EBF1: variants seen among roughly 807,000 people sequenced by gnomAD.
EBF1 encodes the protein transcription factor COE1.
In EBF1, 10 loss-of-function variants were observed where a neutral mutation model predicts 68.4. That is an observed-to-expected ratio of 0.15 (90% CI 0.09 to 0.25). The LOEUF is 0.25. EBF1 is among the 10% of genes least tolerant of loss of function. The pLI is 1.00. For synonymous variants in EBF1, 298 were observed against 299.8 expected, an observed-to-expected ratio of 0.99 and a Z score of 0.06; for missense variants, 509 against 794.4, an observed-to-expected ratio of 0.64 and a Z score of 4.32.
At chr5:159,083,187 A>C (rs1416164561) in intron 5 of EBF1, among the ~76,000 whole-genome samples, 2 of 152,210 alleles carry the variant, frequency 1.3e-5, no homozygotes, top group Admixed American at 6.5e-5. Flanking sequence ...CATTCTAATG[A>C]CATGCTAATT....
At chr5:158,863,216 C>T (rs1795268255) in intron 6 of EBF1, among the ~76,000 whole-genome samples, 1 of 152,160 alleles carries the variant, frequency 6.6e-6, no homozygotes, top group Non-Finnish European at 1.5e-5. Flanking sequence ...TAAGTCCTCA[C>T]CCCTGCCCAT....
At chr5:158,708,684 G>C (rs2127476709) in intron 14 of EBF1, among the ~76,000 whole-genome samples, 1 of 152,278 alleles carries the variant, frequency 6.6e-6, no homozygotes, top group East Asian at 1.9e-4. Flanking sequence ...CATAGAAGAG[G>C]TATCAGGGGA....
intron 9 of EBF1, among the ~76,000 whole-genome samples, chr5:158,788,909 T>C (rs1465290599): frequency 1.3e-5 from 2 of 152,080 alleles, no homozygotes; most frequent in Admixed American, 6.5e-5. Context: ...AATAACAATA[T>C]AGACTAAGGC....
chr5:159,021,817 C>T (rs544551035), intron 6 of EBF1, among the ~76,000 whole-genome samples: 1 of 152,288 alleles, frequency 6.6e-6, no homozygotes, highest in South Asian at 2.1e-4. Context: ...ACTTATAATG[C>T]CCTTTTAGCA....
At chr5:158,784,019 G>A (rs986022979) in intron 9 of EBF1, among the ~76,000 whole-genome samples, 22 of 152,244 alleles carry the variant, frequency 1.4e-4, no homozygotes, top group African/African-American at 3.6e-4. Flanking sequence ...GTAGAATTCC[G>A]CAGCTTTTAT....
At chr5:158,754,665 A>G (rs1769658489) in intron 10 of EBF1, among the ~76,000 whole-genome samples, 1 of 152,118 alleles carries the variant, frequency 6.6e-6, no homozygotes, top group Admixed American at 6.6e-5. Context: ...TTCCAAATCT[A>G]TGATATCAGA....
chr5:158,943,490 A>T (rs1050718507), intron 6 of EBF1, among the ~76,000 whole-genome samples: 3 of 152,156 alleles, frequency 2.0e-5, no homozygotes, highest in African/African-American at 7.2e-5. Context: ...TCCAGTTGTG[A>T]TATATATTAT....
intron 11 of EBF1, among the ~76,000 whole-genome samples, chr5:158,725,093 T>C (rs556117045): frequency 7.9e-4 from 120 of 152,324 alleles, no homozygotes; most frequent in Admixed American, 8.5e-4. Flanking sequence ...AGCCACTTCA[T>C]AGAGACTGAG....
chr5:158,722,578 T>C (rs928947757), intron 11 of EBF1, among the ~76,000 whole-genome samples: 60 of 152,218 alleles, frequency 3.9e-4, no homozygotes, highest in African/African-American at 1.4e-3. Context: ...GTTCCCATAC[T>C]ATATAGATAC....
At chr5:159,029,867 T>G (rs1303062218) in intron 6 of EBF1, among the ~76,000 whole-genome samples, 15 of 151,488 alleles carry the variant, frequency 9.9e-5, no homozygotes, top group Admixed American at 9.9e-4. Flanking sequence ...GGCGAGAGTA[T>G]CATCACTTGA....
intron 6 of EBF1, among the ~76,000 whole-genome samples, chr5:158,972,084 A>T (rs1487245023): frequency 6.6e-6 from 1 of 152,220 alleles, no homozygotes; most frequent in East Asian, 1.9e-4. Context: ...ATGAAACTTC[A>T]GCTTACACAA....
chr5:158,974,000 T>C (rs932562824), intron 6 of EBF1, among the ~76,000 whole-genome samples: 1 of 152,170 alleles, frequency 6.6e-6, no homozygotes, highest in Admixed American at 6.5e-5. Flanking sequence ...CCTAAATCAT[T>C]TTGCTGGTGT....
intron 7 of EBF1, among the ~76,000 whole-genome samples, chr5:158,831,673 TG>T (rs1787602227): frequency 6.6e-6 from 1 of 152,344 alleles, no homozygotes; most frequent in South Asian, 2.1e-4. Flanking sequence ...TTTTATTTTT[TG>T]TATTTTTAGA....
chr5:158,890,443 C>T (rs545977096), intron 6 of EBF1, among the ~76,000 whole-genome samples: 9 of 152,280 alleles, frequency 5.9e-5, no homozygotes, highest in Middle Eastern at 6.8e-3. Context: ...AACTTCTCAA[C>T]GAGCTCCATT....
intron 6 of EBF1, among the ~76,000 whole-genome samples, chr5:158,932,284 T>G (rs1043272661): frequency 2.0e-5 from 3 of 152,158 alleles, no homozygotes; most frequent in African/African-American, 7.2e-5. Context: ...TGATGATATA[T>G]CCACATGATA....
intron 9 of EBF1, among the ~76,000 whole-genome samples, chr5:158,782,693 A>G (rs1776667895): frequency 6.6e-6 from 1 of 152,122 alleles, no homozygotes; most frequent in Non-Finnish European, 1.5e-5. Flanking sequence ...AATAAAAAAC[A>G]AATTAAGTAG....
At chr5:158,806,675 C>G (rs1781646401) in intron 8 of EBF1, among the ~76,000 whole-genome samples, 1 of 152,162 alleles carries the variant, frequency 6.6e-6, no homozygotes, top group African/African-American at 2.4e-5. Flanking sequence ...TATGAATGTG[C>G]ACATAAACAT....
At chr5:158,735,080 G>A (rs1764895255) in intron 10 of EBF1, among the ~76,000 whole-genome samples, 1 of 152,166 alleles carries the variant, frequency 6.6e-6, no homozygotes, top group South Asian at 2.1e-4. Context: ...ATATGCTCAA[G>A]AAGAGGGGGT....
intron 6 of EBF1, among the ~76,000 whole-genome samples, chr5:159,032,984 C>A (rs990724295): frequency 6.6e-6 from 1 of 152,098 alleles, no homozygotes; most frequent in Non-Finnish European, 1.5e-5. Flanking sequence ...CCCTCCTCTA[C>A]CTTCTCCACC....
Sources: gnomAD v4.1 joint callset for allele counts (sites outside exome capture counted in the v4.1 genomes callset) on GRCh38, gnomAD v4.1.1 for gene constraint, MANE v1.5 for transcripts, NCBI Gene and HGNC (gene_info 2026-07-23, HGNC 2026-07-21) for gene names.